The following MAST4 variants were observed in gnomAD, a reference collection of about 807,000 sequenced individuals.
MAST4 encodes the protein microtubule associated serine/threonine kinase family member 4.
A neutral mutation model predicts 162.7 loss-of-function variants in MAST4; 89 were observed. That is an observed-to-expected ratio of 0.55 (90% CI 0.46 to 0.65). The LOEUF (loss-of-function observed/expected upper bound fraction) is 0.65, where lower values mean the gene tolerates loss of function less well. Ranked by LOEUF, MAST4 falls within the 30% of genes least tolerant of loss-of-function variation. MAST4 has a pLI of 0.00. For synonymous variants in MAST4, 1,479 were observed against 1,361.1 expected, an observed-to-expected ratio of 1.09 and a Z score of -1.91; for missense variants, 3,153 against 3,374.0, an observed-to-expected ratio of 0.93 and a Z score of 1.62.
At chr5:67,090,674 A>G (rs971237054) in intron 6 of MAST4, among the ~76,000 whole-genome samples, 6 of 151,070 alleles carry the variant, frequency 4.0e-5, no homozygotes, top group African/African-American at 1.5e-4. Context: ...TCTTCCTATC[A>G]TGTTTGCAAT....
intron 1 of MAST4, among the ~76,000 whole-genome samples, chr5:66,598,839 T>A (rs1742368837): frequency 6.6e-6 from 1 of 152,208 alleles, no homozygotes; most frequent in Admixed American, 6.5e-5. Flanking sequence ...CTGATCCCCA[T>A]TCTGTCGCTG....
intron 1 of MAST4, among the ~76,000 whole-genome samples, chr5:66,609,826 T>C (rs1467883546): frequency 1.3e-5 from 2 of 151,780 alleles, no homozygotes; most frequent in East Asian, 3.9e-4. Flanking sequence ...GAGTGTATAG[T>C]ACCATACACT....
intron 1 of MAST4, among the ~76,000 whole-genome samples, chr5:66,739,722 C>T (rs569288709): frequency 3.6e-4 from 55 of 152,120 alleles, no homozygotes; most frequent in African/African-American, 1.2e-3. Context: ...GAGCAGGCAG[C>T]GACCTATTAA....
chr5:67,089,346 G>A (rs182485250), intron 5 of MAST4, among the ~76,000 whole-genome samples: 67 of 152,258 alleles, frequency 4.4e-4, no homozygotes, highest in Non-Finnish European at 1.0e-4. Context: ...AGGTTGAGTG[G>A]GCTAATGGAG....
At chr5:66,836,892 C>T (rs1216222047) in intron 3 of MAST4, among the ~76,000 whole-genome samples, 1 of 152,098 alleles carries the variant, frequency 6.6e-6, no homozygotes, top group African/African-American at 2.4e-5. Context: ...TCATAACACA[C>T]AATTTACCTG....
In MAST4 at chr5:67,153,509, C is replaced by A; in HGVS notation, c.3577C>A (p.Leu1193Ile). Residue 1193 changes from leucine to isoleucine, a missense_variant, in exon 26 of 29, where the codon CTT (leucine) becomes ATT (isoleucine). Leu to Ile is a conservative substitution (Grantham distance 5). Around this residue, in one of 7 missense-constraint regions of MAST4, gnomAD observed 619 missense variants for 744.2 expected, o/e 0.83. Transcript: ENST00000403625. ...CCAGGCAGGACTGAAGGCTGGAGAT[C>A]TTATCACTCACATCAATGGAGAACC... ...ACQAGLKAGD[L>I]ITHINGEPVH... 6.2e-7 allele frequency: 1 copy of A among 1,603,428 alleles called. No individual in the cohort carries two copies. Among genetic ancestry groups the A allele is most frequent in the Non-Finnish European group, 8.5e-7 (1 of 1,174,612 alleles).
chr5:67,152,568 G>A, intron 24 of MAST4, 69 bp from the exon 25 acceptor site: 1 of 1,284,020 alleles, frequency 7.8e-7, no homozygotes, highest in East Asian at 2.3e-5. Context: ...AGGCTCATGG[G>A]GTGAGGGTTG....
At chr5:66,784,174 C>T (rs942432597) in intron 2 of MAST4, among the ~76,000 whole-genome samples, 3 of 148,236 alleles carry the variant, frequency 2.0e-5, no homozygotes, top group Non-Finnish European at 4.5e-5. Flanking sequence ...ACCCAGACCT[C>T]TGGGGTCCCT....
intron 4 of MAST4, among the ~76,000 whole-genome samples, chr5:66,936,910 T>C (rs1204375056): frequency 6.6e-6 from 1 of 152,198 alleles, no homozygotes; most frequent in African/African-American, 2.4e-5. Context: ...CCTTCAGCAC[T>C]GAACTCCTTA....
At chr5:66,956,860 G>A (rs909020013) in intron 4 of MAST4, among the ~76,000 whole-genome samples, 5 of 152,072 alleles carry the variant, frequency 3.3e-5, no homozygotes, top group African/African-American at 1.2e-4. Context: ...AGGGTACCAG[G>A]GAGGAAGTAG....
At chr5:66,988,547 C>T (rs1017564613) in intron 4 of MAST4, among the ~76,000 whole-genome samples, 2 of 152,100 alleles carry the variant, frequency 1.3e-5, no homozygotes, top group African/African-American at 4.8e-5. Context: ...AGCAACAGTC[C>T]TATGAGGTAA....
At chr5:66,615,394 G>A (rs1743603917) in intron 1 of MAST4, among the ~76,000 whole-genome samples, 1 of 152,154 alleles carries the variant, frequency 6.6e-6, no homozygotes, top group Admixed American at 6.5e-5. Context: ...ACCGGCCTGT[G>A]GGTGACCATG....
chr5:66,951,598 ATGTGTGTGTGTGTGTGTGTGTGTGTG>A (rs59043309), intron 4 of MAST4, among the ~76,000 whole-genome samples: 16 of 122,418 alleles, frequency 1.3e-4, no homozygotes, highest in East Asian at 5.0e-4. Flanking sequence ...CTCCCATGAT[ATGTGTGTGTGTGTGTGTGTGTGTGTG>A]TGTGTGTGTG....
chr5:66,864,329 C>A (rs867009202), intron 3 of MAST4, among the ~76,000 whole-genome samples: 48 of 152,086 alleles, frequency 3.2e-4, no homozygotes, highest in Admixed American at 1.4e-3. Flanking sequence ...TGAAGGGAAT[C>A]CCAGAGATCC....
At position 67,072,798 on chromosome 5, in the gene MAST4, C is replaced by G. The variant is rs574478299; in HGVS notation, c.764-17364C>G. ...TGCCCTTTTCCCATAACCCCACCCCCACTGCCCACCCTCCAAAAGGGCAGA... is the reference window on the plus strand; with the variant it reads ...TGCCCTTTTCCCATAACCCCACCCCGACTGCCCACCCTCCAAAAGGGCAGA... On this transcript the variant is annotated intron_variant, in intron 5 of 28. Coordinates refer to ENST00000403625, the MANE Select transcript of MAST4 (RefSeq NM_001164664.2). 2.0e-5 allele frequency among the ~76,000 whole-genome samples: 3 copies of G among 152,300 alleles called. No homozygotes were observed. In the East Asian group the frequency reaches 5.8e-4, roughly 29 times the overall value.
chr5:67,165,723 C>G lies in MAST4; in HGVS notation c.6544C>G (p.Pro2182Ala), dbSNP rs1278204676. 1.3e-6 allele frequency: 2 copies of G among 1,576,394 alleles called. No individual in the cohort carries two copies. The highest frequency in any genetic ancestry group is 2.7e-5 in the African/African-American group (2 of 73,798). Residue 2182 changes from proline (P) to alanine (A), a missense_variant, in exon 29 of 29, where the codon CCT becomes GCT. By Grantham distance (27) the Pro-to-Ala change is conservative (BLOSUM62 -1). This residue lies in a region of MAST4 where 1,644 missense variants were observed against 1,495.0 expected (regional missense o/e 1.10). Coordinates refer to ENST00000403625, the MANE Select transcript of MAST4 (RefSeq NM_001164664.2). ...PSSSPQDPPK[P>A]VAAHSESSSH... ...CTCGAGCCCCCAGGACCCTCCCAAG[C>G]CTGTTGCTGCGCACAGTGAAAGCAG...
chr5:67,043,996 C>G (rs1757076073), intron 4 of MAST4, among the ~76,000 whole-genome samples: 2 of 152,136 alleles, frequency 1.3e-5, no homozygotes, highest in South Asian at 4.1e-4. Context: ...CTTTGATAAC[C>G]CAGCTCTAGG....
chr5:67,110,264 A>C, intron 11 of MAST4, 65 bp downstream of exon 11: 1 of 1,199,060 alleles, frequency 8.3e-7, no homozygotes, highest in Non-Finnish European at 1.2e-6. Context: ...ACCATCAGAA[A>C]GCTCCTTCAT....
In MAST4 at chr5:67,165,705, C is replaced by T. The variant is rs368650313; in HGVS notation, c.6526C>T (p.Pro2176Ser). 1 of 1,578,168 alleles carries T rather than the reference C, an allele frequency of 6.3e-7. No individual in the cohort carries two copies. Among genetic ancestry groups the T allele is most frequent in the Non-Finnish European group, 8.6e-7 (1 of 1,163,118 alleles). ...KPSTAEPSSSPQDPPKPVAAH... is the reference protein window; with the variant it reads ...KPSTAEPSSSSQDPPKPVAAH... ...CAGCACTGCAGAGCCCAGCTCGAGC[C>T]CCCAGGACCCTCCCAAGCCTGTTGC... The change falls in exon 29 of 29, where the codon CCC becomes TCC. Residue 2176 changes from proline to serine, a missense_variant. Transcript: ENST00000403625.
Sources: gnomAD v4.1 joint callset for allele counts (sites outside exome capture counted in the v4.1 genomes callset) on GRCh38, gnomAD v4.1.1 for gene constraint, gnomAD v4.1.1 regional missense constraint, MANE v1.5 for transcripts, NCBI Gene and HGNC (gene_info 2026-07-23, HGNC 2026-07-21) for gene names.